Variants in PTPN11 observed in about 807,000 individuals in gnomAD.
The protein encoded by PTPN11 is protein tyrosine phosphatase non-receptor type 11.
In PTPN11, 6 loss-of-function variants were observed where a neutral mutation model predicts 78.8. The observed-to-expected ratio is 0.08, with a 90% confidence interval of 0.04 to 0.15. The LOEUF is 0.15. Among genes scored for constraint, PTPN11 ranks in the 10% least tolerant of loss-of-function variants. The probability of loss-of-function intolerance (pLI) is 1.00; values close to 1 mark genes in which losing one functional copy is unlikely to be tolerated. For synonymous variants in PTPN11, 221 were observed against 263.5 expected, an observed-to-expected ratio of 0.84 and a Z score of 1.56; for missense variants, 386 against 744.8, an observed-to-expected ratio of 0.52 and a Z score of 5.61.
chr12:112,463,166 A>T (rs1383982219), intron 6 of PTPN11, among the ~76,000 whole-genome samples: 1 of 152,156 alleles, frequency 6.6e-6, no homozygotes, highest in African/African-American at 2.4e-5. Context: ...AATGACTGTG[A>T]ACTTAAAAAT....
chr12:112,434,454 A>G (rs1289029797), intron 1 of PTPN11, among the ~76,000 whole-genome samples: 4 of 151,928 alleles, frequency 2.6e-5, no homozygotes, highest in Non-Finnish European at 5.9e-5. Flanking sequence ...CTAAAAATAC[A>G]AAAATTAGCT....
chr12:112,419,074 G>C lies in PTPN11; in HGVS notation c.-38G>C. ...ACCGAGCCCAGCGGAGCCTGAGCAA[G>C]GAGCGGGTCCGTCGCGGAGCCGGAG... On this transcript the variant is annotated 5_prime_UTR_variant, in exon 1 of 16. Transcript: ENST00000351677. 1 of 1,534,522 alleles carries C rather than the reference G, an allele frequency of 6.5e-7. No individual in the cohort carries two copies. Among genetic ancestry groups the C allele is most frequent in the East Asian group, 2.5e-5 (1 of 40,056 alleles).
At chr12:112,441,855 C>T (rs2037895782) in intron 1 of PTPN11, among the ~76,000 whole-genome samples, 1 of 151,692 alleles carries the variant, frequency 6.6e-6, no homozygotes, top group Non-Finnish European at 1.5e-5. Flanking sequence ...GGGCTCACTG[C>T]AAGCTCCGCC....
At chr12:112,468,112 G>A (rs1317862892) in intron 6 of PTPN11, among the ~76,000 whole-genome samples, 1 of 152,160 alleles carries the variant, frequency 6.6e-6, no homozygotes, top group Non-Finnish European at 1.5e-5. Context: ...GGGAAAATGG[G>A]ATATCTGGCA....
At chr12:112,467,308 C>T (rs935174219) in intron 6 of PTPN11, among the ~76,000 whole-genome samples, 3 of 152,012 alleles carry the variant, frequency 2.0e-5, no homozygotes, top group Non-Finnish European at 4.4e-5. Flanking sequence ...ATATCTGAGT[C>T]TAGGTAATTT....
At chr12:112,419,470 C>A (rs915200916) in intron 1 of PTPN11, among the ~76,000 whole-genome samples, 26 of 152,200 alleles carry the variant, frequency 1.7e-4, no homozygotes, top group African/African-American at 6.3e-4. Context: ...ATGAGAATTG[C>A]CTCATGGTGA....
intron 6 of PTPN11, among the ~76,000 whole-genome samples, chr12:112,471,854 G>A (rs1484924714): frequency 6.6e-6 from 1 of 152,024 alleles, no homozygotes; most frequent in Non-Finnish European, 1.5e-5. Context: ...CTGGGTTCAA[G>A]CGATTCTCGT....
intron 1 of PTPN11, among the ~76,000 whole-genome samples, chr12:112,443,653 CTTTTT>C (rs150851094): frequency 7.6e-6 from 1 of 131,758 alleles, no homozygotes; most frequent in Admixed American, 7.7e-5. Flanking sequence ...TGTGCCCGGT[CTTTTT>C]TTTTTTTTTT....
At chr12:112,446,489 G>A (rs778889781) in intron 2 of PTPN11, 91 bp downstream of exon 2, 10 of 1,570,700 alleles carry the variant, frequency 6.4e-6, no homozygotes, top group Non-Finnish European at 6.1e-6. Context: ...CCTGCATTTC[G>A]AGTTTGAAGG....
chr12:112,420,491 G>C (rs1262885546), intron 1 of PTPN11, among the ~76,000 whole-genome samples: 1 of 151,890 alleles, frequency 6.6e-6, no homozygotes, highest in Non-Finnish European at 1.5e-5. Context: ...GACTACAGGC[G>C]CACCACTATG....
intron 9 of PTPN11, among the ~76,000 whole-genome samples, chr12:112,480,158 T>C (rs2038573322): frequency 6.6e-6 from 1 of 152,172 alleles, no homozygotes; most frequent in Non-Finnish European, 1.5e-5. Context: ...CATGATTTAA[T>C]TTTATATTCT....
intron 1 of PTPN11, chr12:112,428,888 T>C (rs1470293575): frequency 6.5e-6 from 1 of 152,710 alleles, no homozygotes; most frequent in Non-Finnish European, 1.5e-5. Flanking sequence ...GCTGGGATTA[T>C]AGACATGTGC....
chr12:112,430,722 T>C (rs1449004393), intron 1 of PTPN11, among the ~76,000 whole-genome samples: 3 of 152,136 alleles, frequency 2.0e-5, no homozygotes, highest in Admixed American at 6.5e-5. Flanking sequence ...ATCACCCAGC[T>C]AATTAAAATT....
chr12:112,475,737 G>A (rs1414828866), intron 7 of PTPN11, among the ~76,000 whole-genome samples: 1 of 152,142 alleles, frequency 6.6e-6, no homozygotes, highest in African/African-American at 2.4e-5. Flanking sequence ...CTTTGTGTGT[G>A]TCTATGCATG....
Position 112,504,927 on chromosome 12 carries a change from C to T in PTPN11, c.*32+131C>T. 1.6e-6 allele frequency: 1 copy of T among 636,060 alleles called. No homozygotes were observed. The highest frequency in any genetic ancestry group is 2.8e-6 in the Non-Finnish European group (1 of 353,784). The allele number at this position is 636,060 out of a possible 1,614,324, so 39.4% of individuals were successfully genotyped here. A position where few individuals can be genotyped will look rare whatever the true frequency, so the allele number is the denominator to read the frequency against. On this transcript the variant is annotated intron_variant, in intron 15 of 15. Coordinates refer to ENST00000351677, the MANE Select transcript of PTPN11 (RefSeq NM_002834.5). The surrounding 1 kb of genome is among the most constrained non-coding windows in gnomAD (Gnocchi z 4.7). Reference sequence around the variant, plus strand: ...GTTTTACAAACCAGGCTCCTTTTTCCTCTCCCTGTACTTCTTTTTCCAAGA... The same window carrying T: ...GTTTTACAAACCAGGCTCCTTTTTCTTCTCCCTGTACTTCTTTTTCCAAGA...
intron 1 of PTPN11, among the ~76,000 whole-genome samples, chr12:112,420,773 C>T (rs771338544): frequency 4.6e-5 from 7 of 152,206 alleles, no homozygotes; most frequent in South Asian, 4.1e-4. Flanking sequence ...GTGACTTGGA[C>T]AGGTCGGTTG....
At chr12:112,473,061 C>T in intron 7 of PTPN11, 21 bp downstream of exon 7, 1 of 1,533,524 alleles carries the variant, frequency 6.5e-7, no homozygotes, top group Non-Finnish European at 9.0e-7. Context: ...ATATTCCGCT[C>T]AGTAATAGTC....
intron 8 of PTPN11, 48 bp downstream of exon 8, chr12:112,477,778 A>AT (rs1300849489): frequency 6.2e-7 from 1 of 1,604,944 alleles, no homozygotes; most frequent in East Asian, 2.2e-5. Context: ...TTTCTAGCCT[A>AT]TTTTTGTATT....
chr12:112,443,462 G>A (rs376403339), intron 1 of PTPN11, among the ~76,000 whole-genome samples: 8 of 151,458 alleles, frequency 5.3e-5, no homozygotes, highest in African/African-American at 1.9e-4. Context: ...GGGTTCAAGC[G>A]ATTCTCCTGC....
Sources: allele counts gnomAD v4.1 joint callset (sites outside exome capture counted in the v4.1 genomes callset), GRCh38; gene constraint gnomAD v4.1.1; non-coding constraint Gnocchi (gnomAD v3.1); transcripts MANE v1.5; gene names NCBI Gene and HGNC (gene_info 2026-07-23, HGNC 2026-07-21).